STAM2: variants seen among roughly 807,000 people sequenced by gnomAD.
STAM2 encodes the protein signal transducing adapter molecule 2.
STAM2 carries 51 observed loss-of-function variants against 65.6 expected under a neutral mutation model. The observed-to-expected ratio is 0.78, with a 90% confidence interval of 0.62 to 0.98. The LOEUF is 0.98. Ranked by LOEUF, STAM2 falls within the 50% of genes least tolerant of loss-of-function variation. STAM2 has a pLI of 0.00. For synonymous variants in STAM2, 198 were observed against 208.4 expected (o/e 0.95, Z 0.43); for missense variants, 584 against 617.8 (o/e 0.95, Z 0.58).
At chr2:152,152,423 C>T (rs1391947316) in intron 1 of STAM2, among the ~76,000 whole-genome samples, 3 of 151,996 alleles carry the variant, frequency 2.0e-5, no homozygotes, top group Non-Finnish European at 4.4e-5. Flanking sequence ...GTGGCAGGCG[C>T]CTGTAGTCCC....
intron 1 of STAM2, among the ~76,000 whole-genome samples, chr2:152,163,763 C>T (rs570419122): frequency 5.9e-5 from 9 of 152,248 alleles, no homozygotes; most frequent in African/African-American, 7.2e-5. Flanking sequence ...GGTCTATAAA[C>T]GGCCGCTCTG....
chr2:152,168,361 T>C (rs1214410983), intron 1 of STAM2, among the ~76,000 whole-genome samples: 2 of 152,134 alleles, frequency 1.3e-5, no homozygotes, highest in Non-Finnish European at 2.9e-5. Context: ...GGTGTCACCA[T>C]GTTGGTCAGG....
chr2:152,147,291 A>C lies in STAM2; in HGVS notation c.318T>G (p.Cys106Trp). ...CCACCATTAAAGATTTCAGTTTTTC[A>C]CATACTTTAGGATGTGCCTTTTAAG... The part of the protein sequence containing the change: ...VIKNKAHPKV[C>W]EKLKSLMVEW... Residue 106 changes from cysteine to tryptophan, a missense_variant, in exon 5 of 14, where the codon TGT becomes TGG. Transcript: ENST00000263904. 1 of 1,595,546 alleles carries C rather than the reference A, an allele frequency of 6.3e-7. No homozygotes were observed. Among genetic ancestry groups the C allele is most frequent in the South Asian group, 1.2e-5 (1 of 86,948 alleles).
chr2:152,168,320 C>T (rs1199993827), intron 1 of STAM2, among the ~76,000 whole-genome samples: 5 of 152,178 alleles, frequency 3.3e-5, no homozygotes, highest in South Asian at 2.1e-4. Flanking sequence ...ACCACATGTC[C>T]GGCTAATTTT....
At chr2:152,167,739 T>A (rs535375494) in intron 1 of STAM2, among the ~76,000 whole-genome samples, 4,168 of 142,782 alleles carry the variant, frequency 0.029, 157 homozygotes, top group African/African-American at 0.091. Flanking sequence ...TAGAAAAAAA[T>A]AAATAAATAA....
At chr2:152,174,010 AAC>A (rs1689959126) in intron 1 of STAM2, among the ~76,000 whole-genome samples, 1 of 152,098 alleles carries the variant, frequency 6.6e-6, no homozygotes, top group Non-Finnish European at 1.5e-5. Flanking sequence ...TTTTAATCTC[AAC>A]AGCAGTGCCT....
At chr2:152,127,745 A>G (rs1688986945) in intron 11 of STAM2, among the ~76,000 whole-genome samples, 1 of 152,238 alleles carries the variant, frequency 6.6e-6, no homozygotes, top group African/African-American at 2.4e-5. Context: ...CAACAAACCC[A>G]AATAAAAGCA....
At chr2:152,132,531 A>G (rs192413329) in intron 10 of STAM2, among the ~76,000 whole-genome samples, 1 of 152,276 alleles carries the variant, frequency 6.6e-6, no homozygotes, top group Non-Finnish European at 1.5e-5. Flanking sequence ...ATCAGATATG[A>G]AGATTTTTCA....
Position 152,154,948 on chromosome 2 carries a change from G to A in STAM2, c.41-4719C>T, listed in dbSNP as rs954251357. On this transcript the variant is annotated intron_variant, in intron 1 of 13. Transcript: ENST00000263904. ...TCTGTCTTCTTTGTTATACTTATTGGTATCTTTCATATTGGTGACTCACAT... is the reference window on the plus strand; with the variant it reads ...TCTGTCTTCTTTGTTATACTTATTGATATCTTTCATATTGGTGACTCACAT... 2.0e-5 allele frequency among the ~76,000 whole-genome samples: 3 copies of A among 150,958 alleles called. No individual in the cohort carries two copies. The South Asian group carries it at 6.2e-4, about 31-fold the overall frequency.
chr2:152,172,418 T>C (rs1689912084), intron 1 of STAM2, among the ~76,000 whole-genome samples: 1 of 152,080 alleles, frequency 6.6e-6, no homozygotes, highest in Non-Finnish European at 1.5e-5. Context: ...AGAAAAGGAT[T>C]CCTTCCTCAT....
intron 13 of STAM2, 59 bp from the exon 14 acceptor site, chr2:152,120,861 A>T (rs1446053197): frequency 3.8e-6 from 5 of 1,325,694 alleles, no homozygotes; most frequent in Non-Finnish European, 5.4e-6. Context: ...AAGGTTAGAG[A>T]TCAATCATCA....
chr2:152,131,878 A>G, intron 11 of STAM2: 1 of 495,792 alleles, frequency 2.0e-6, no homozygotes, highest in Non-Finnish European at 3.6e-6. Flanking sequence ...AGACTGGTTA[A>G]AAGTAAGCCA....
At chr2:152,157,532 C>T (rs1024305682) in intron 1 of STAM2, among the ~76,000 whole-genome samples, 3 of 152,150 alleles carry the variant, frequency 2.0e-5, no homozygotes, top group South Asian at 2.1e-4. Context: ...CATATGAGGG[C>T]ACAGCAATAA....
In STAM2 at chr2:152,144,956, G is replaced by C. The variant is rs769923662; in HGVS notation, c.449C>G (p.Thr150Ser). 1 of 1,612,180 alleles carries C rather than the reference G, an allele frequency of 6.2e-7. No homozygotes were observed. The highest frequency in any genetic ancestry group is 2.2e-5 in the East Asian group (1 of 44,876). ...GITFPPAGSQ[T>S]VSAAAKNGTS... ...ACCATTCTTGGCAGCAGCTGAGACAGTCTGTAAATGTATGAGTAAAATGAA... is the reference window on the plus strand; with the variant it reads ...ACCATTCTTGGCAGCAGCTGAGACACTCTGTAAATGTATGAGTAAAATGAA... Residue 150 changes from threonine (T) to serine (S), a missense_variant and splice_region_variant, in exon 6 of 14, where the codon ACT becomes AGT. Transcript: ENST00000263904.
At chr2:152,166,045 A>G (rs1689778320) in intron 1 of STAM2, among the ~76,000 whole-genome samples, 1 of 152,156 alleles carries the variant, frequency 6.6e-6, no homozygotes, top group Non-Finnish European at 1.5e-5. Context: ...TCTACTGAAA[A>G]TACAAAAACT....
At chr2:152,141,836 G>A (rs186817384) in intron 7 of STAM2, among the ~76,000 whole-genome samples, 49 of 151,990 alleles carry the variant, frequency 3.2e-4, no homozygotes, top group African/African-American at 8.9e-4. Context: ...TGATCCGCCC[G>A]CCTCAGCCTC....
intron 7 of STAM2, among the ~76,000 whole-genome samples, chr2:152,141,189 G>A (rs1252961670): frequency 1.3e-5 from 2 of 148,410 alleles, no homozygotes; most frequent in African/African-American, 2.5e-5. Context: ...GTAAGATAAA[G>A]CTAAAAGTGT....
In STAM2 at chr2:152,135,614, AG is replaced by A. The variant is rs776469520; in HGVS notation, c.705-12del. ...CACCAATTGGCATCACTAAAAATAC[AG>A]TGCAAAAAATATCATTTGTTCCCCA... On this transcript the variant is annotated splice_polypyrimidine_tract_variant and intron_variant, in intron 7 of 13. Coordinates refer to ENST00000263904, the MANE Select transcript of STAM2 (RefSeq NM_005843.6). 6.4e-7 allele frequency: 1 copy of A among 1,554,108 alleles called. No individual in the cohort carries two copies. The highest frequency in any genetic ancestry group is 2.3e-5 in the East Asian group (1 of 44,304).
chr2:152,140,417 G>A (rs1176265810), intron 7 of STAM2, among the ~76,000 whole-genome samples: 2 of 152,172 alleles, frequency 1.3e-5, no homozygotes, highest in African/African-American at 2.4e-5. Flanking sequence ...AAAAACTTGA[G>A]CCTTTCCTTT....
Sources: allele counts gnomAD v4.1 joint callset (sites outside exome capture counted in the v4.1 genomes callset), GRCh38; gene constraint gnomAD v4.1.1; transcripts MANE v1.5; gene names NCBI Gene and HGNC (gene_info 2026-07-23, HGNC 2026-07-21).